THADA: variants seen among roughly 807,000 people sequenced by gnomAD.
The protein encoded by THADA is tRNA (32-2'-O)-methyltransferase regulator THADA.
Under a neutral mutation model 219.8 loss-of-function variants are expected in THADA, and 213 were observed. That is an observed-to-expected ratio of 0.97 (90% confidence interval 0.87 to 1.09). The LOEUF is 1.09. Among genes scored for constraint, THADA ranks in the 50% least tolerant of loss-of-function variants. THADA has a pLI of 0.00. For synonymous variants in THADA, 1,018 were observed against 828.9 expected, an observed-to-expected ratio of 1.23 and a Z score of -3.92; for missense variants, 2,956 against 2,311.3, an observed-to-expected ratio of 1.28 and a Z score of -5.72.
intron 26 of THADA, among the ~76,000 whole-genome samples, chr2:43,483,263 T>C (rs969605994): frequency 6.6e-6 from 1 of 152,084 alleles, no homozygotes; most frequent in Admixed American, 6.5e-5. Context: ...CCAGAACAGA[T>C]GAAAAAGGTC....
chr2:43,572,743 G>T, intron 12 of THADA, 71 bp downstream of exon 12: 1 of 1,360,302 alleles, frequency 7.4e-7, no homozygotes, highest in South Asian at 1.4e-5. Flanking sequence ...CAATGTAGGG[G>T]CCTCTATATT....
chr2:43,304,764 C>T (rs536813016), intron 31 of THADA, among the ~76,000 whole-genome samples: 7 of 150,866 alleles, frequency 4.6e-5, no homozygotes, highest in Non-Finnish European at 1.0e-4. Context: ...CTCCGCCTTT[C>T]GGGTTCAAGT....
intron 26 of THADA, among the ~76,000 whole-genome samples, chr2:43,431,603 C>G (rs1016304909): frequency 7.1e-6 from 1 of 141,254 alleles, no homozygotes; most frequent in African/African-American, 2.6e-5. Context: ...GTAGCTGGGA[C>G]TACAGGCGCC....
At chr2:43,552,795 C>A (rs1015696981) in intron 17 of THADA, among the ~76,000 whole-genome samples, 1 of 151,894 alleles carries the variant, frequency 6.6e-6, no homozygotes, top group Non-Finnish European at 1.5e-5. Flanking sequence ...TTTCACTGCC[C>A]TCCTGCCACC....
chr2:43,532,574 A>G (rs1694024117), intron 21 of THADA, among the ~76,000 whole-genome samples: 1 of 152,174 alleles, frequency 6.6e-6, no homozygotes, highest in South Asian at 2.1e-4. Flanking sequence ...AAAACTCTCA[A>G]TAAACTAGGT....
chr2:43,581,979 G>A, intron 7 of THADA, 51 bp from the exon 8 acceptor site: 1 of 1,348,884 alleles, frequency 7.4e-7, no homozygotes, highest in East Asian at 2.5e-5. Context: ...ACAAAAGTGT[G>A]AACATTTCTA....
chr2:43,565,919 T>A (rs1027386394), intron 15 of THADA: 6 of 152,434 alleles, frequency 3.9e-5, no homozygotes, highest in African/African-American at 1.4e-4. Context: ...AAACCCCATC[T>A]CTACTAAAAA....
intron 13 of THADA, among the ~76,000 whole-genome samples, chr2:43,570,998 G>A (rs1374832348): frequency 1.3e-5 from 2 of 152,200 alleles, no homozygotes; most frequent in African/African-American, 2.4e-5. Context: ...GCTCATGCCT[G>A]TAACCACAAC....
At chr2:43,378,345 A>AG (rs1394687378) in intron 29 of THADA, among the ~76,000 whole-genome samples, 1 of 152,210 alleles carries the variant, frequency 6.6e-6, no homozygotes, top group Non-Finnish European at 1.5e-5. Context: ...GAACTGTGAA[A>AG]TGGCAATATT....
intron 17 of THADA, chr2:43,556,101 TC>T: frequency 1.1e-6 from 1 of 916,748 alleles, no homozygotes; most frequent in Non-Finnish European, 1.4e-6. Flanking sequence ...CATTCTCATT[TC>T]AAAAGAGCTT....
intron 26 of THADA, chr2:43,484,568 C>G (rs922224338): frequency 1.2e-5 from 2 of 168,034 alleles, no homozygotes; most frequent in Middle Eastern, 6.5e-4. Context: ...AACAACTATT[C>G]AAAGCTTTTC....
chr2:43,416,341 T>C (rs1347155276), intron 28 of THADA, among the ~76,000 whole-genome samples: 2 of 151,234 alleles, frequency 1.3e-5, no homozygotes, highest in East Asian at 3.8e-4. Context: ...TTTCCACAGT[T>C]TCTGCTAAAA....
At chr2:43,317,189 A>G (rs13432574) in intron 31 of THADA, among the ~76,000 whole-genome samples, 39,413 of 152,088 alleles carry the variant, frequency 0.26, 6,098 homozygotes, top group African/African-American at 0.43. Context: ...CCTACTCTGG[A>G]CTTTGTGAGC....
rs540036728 is a variant in THADA, at chr2:43,366,007, T to C, written c.4228-21770A>G. Among the ~76,000 whole-genome samples, 8 of 152,302 alleles carry C rather than the reference T, an allele frequency of 5.3e-5. No individual in the cohort carries two copies. The East Asian group carries it at 5.8e-4, about 11-fold the overall frequency. On this transcript the variant is annotated intron_variant, in intron 29 of 37. Transcript: ENST00000405975. ...CTAAAGCAAGTGACTAACGTGAATATTGTGTACAGTAAAAAATGACCCTTG... is the reference window on the plus strand; with the variant it reads ...CTAAAGCAAGTGACTAACGTGAATACTGTGTACAGTAAAAAATGACCCTTG...
intron 7 of THADA, among the ~76,000 whole-genome samples, chr2:43,582,223 G>A (rs1006346752): frequency 1.3e-5 from 2 of 152,136 alleles, no homozygotes; most frequent in Non-Finnish European, 2.9e-5. Context: ...CAGTCTGGGC[G>A]AAGTGGCTCA....
intron 21 of THADA, among the ~76,000 whole-genome samples, chr2:43,531,853 C>T (rs1227511314): frequency 2.6e-5 from 4 of 151,254 alleles, no homozygotes; most frequent in South Asian, 2.1e-4. Flanking sequence ...TCCTTTTTTT[C>T]GACTCATAAT....
At chr2:43,495,695 A>T (rs936435433) in intron 25 of THADA, among the ~76,000 whole-genome samples, 3 of 152,122 alleles carry the variant, frequency 2.0e-5, no homozygotes, top group African/African-American at 7.2e-5. Flanking sequence ...ACCAGGCTTC[A>T]CTCTCAGAAA....
intron 37 of THADA, among the ~76,000 whole-genome samples, chr2:43,231,663 A>C (rs943133075): frequency 1.3e-5 from 2 of 152,162 alleles, no homozygotes; most frequent in Non-Finnish European, 2.9e-5. Context: ...TCAACAAGGG[A>C]GTGGGCTCTA....
chr2:43,416,276 T>C (rs1042426975), intron 28 of THADA, among the ~76,000 whole-genome samples: 1 of 152,222 alleles, frequency 6.6e-6, no homozygotes, highest in African/African-American at 2.4e-5. Flanking sequence ...TTCTTGTCTG[T>C]GGTGACACAT....
Sources: gnomAD v4.1 joint callset for allele counts (sites outside exome capture counted in the v4.1 genomes callset) on GRCh38, gnomAD v4.1.1 for gene constraint, MANE v1.5 for transcripts, NCBI Gene and HGNC (gene_info 2026-07-23, HGNC 2026-07-21) for gene names.